MAMSTR: variants seen among roughly 807,000 people sequenced by gnomAD.
MAMSTR encodes the protein MEF2-activating motif and SAP domain-containing transcriptional regulator.
A neutral mutation model predicts 42.7 loss-of-function variants in MAMSTR; 41 were observed. The observed-to-expected ratio is 0.96, with a 90% CI of 0.75 to 1.25. The LOEUF is 1.25. Among genes scored for constraint, MAMSTR ranks in the 50% most tolerant of loss-of-function variants. The probability of loss-of-function intolerance (pLI) is 0.00; values close to 1 mark genes in which losing one functional copy is unlikely to be tolerated. For missense variants in MAMSTR, 567 were observed against 557.6 expected (o/e 1.02, Z -0.17); for synonymous variants, 265 against 244.1 (o/e 1.09, Z -0.80).
At chr19:48,711,094 A>G (rs534819494), downstream of MAMSTR, among the ~76,000 whole-genome samples, 3 of 152,172 alleles carry the variant, frequency 2.0e-5, no homozygotes, top group East Asian at 5.8e-4. Context: ...ACAGATTTGT[A>G]TAGTGCCCTC....
Position 48,712,991 on chromosome 19 carries a change from G to A in MAMSTR, c.*276C>T. The A allele has an allele frequency of 2.5e-6, 1 of 393,702 alleles. No homozygotes were observed. The highest frequency in any genetic ancestry group is 4.5e-6 in the Non-Finnish European group (1 of 221,124). The allele number at this position is 393,702 out of a possible 1,614,324, so 24.4% of individuals were successfully genotyped here. On this transcript the variant is annotated 3_prime_UTR_variant, in exon 10 of 10. Coordinates refer to ENST00000318083, the MANE Select transcript of MAMSTR (RefSeq NM_001130915.2). ...CGGGGGCATGTAAGAACATCCATGA[G>A]GTCTCTGAAGGAAGCAGCAAGCAGC... is the stretch of plus-strand genomic sequence containing the variant.
At chr19:48,715,040 C>A in intron 5 of MAMSTR, 132 bp from the exon 6 acceptor site, 1 of 700,096 alleles carries the variant, frequency 1.4e-6, no homozygotes. Flanking sequence ...TCTCCAAGGG[C>A]GCAAACATGG....
At position 48,714,852 on chromosome 19, in the gene MAMSTR, G is replaced by C. The variant is rs762601512; in HGVS notation, c.482C>G (p.Pro161Arg). The C allele has an allele frequency of 1.9e-6, 3 of 1,613,144 alleles. No individual in the cohort carries two copies. Among genetic ancestry groups the C allele is most frequent in the South Asian group, 2.2e-5 (2 of 91,084 alleles). Residue 161 changes from proline (P) to arginine (R), a missense_variant, in exon 6 of 10, where the codon CCC (proline) becomes CGC (arginine). Pro to Arg is a moderately radical substitution (Grantham distance 103). Transcript: ENST00000318083. ...CPPGVPSPSP[P>R]PHKLELQTLK... ...GGTCTGAAGTTCCAACTTGTGTGGG[G>C]GGGGCGAGGGGCTAGGGACTCCTGG...
downstream of MAMSTR, among the ~76,000 whole-genome samples, chr19:48,712,335 C>T (rs1218010678): frequency 6.6e-6 from 1 of 152,104 alleles, no homozygotes; most frequent in Non-Finnish European, 1.5e-5. Flanking sequence ...CACCTGAAGT[C>T]ACCTCTTGCT....
At chr19:48,708,888 G>T (rs2032689675), downstream of MAMSTR, among the ~76,000 whole-genome samples, 1 of 152,106 alleles carries the variant, frequency 6.6e-6, no homozygotes, top group African/African-American at 2.4e-5. Flanking sequence ...AACAGCCAGA[G>T]GGCAAATCAG....
At chr19:48,717,057 G>T (rs1274667267) in intron 2 of MAMSTR, 10 of 966,802 alleles carry the variant, frequency 1.0e-5, no homozygotes, top group Middle Eastern at 4.4e-4. Context: ...CACCCCCTGC[G>T]CAATCGCTAT....
chr19:48,715,041 G>A (rs1050438940), intron 5 of MAMSTR, 133 bp from the exon 6 acceptor site: 10 of 692,866 alleles, frequency 1.4e-5, no homozygotes, highest in Non-Finnish European at 2.4e-5. Context: ...CTCCAAGGGC[G>A]CAAACATGGG....
At chr19:48,715,981 TCA>T in intron 3 of MAMSTR, 1 of 1,363,562 alleles carries the variant, frequency 7.3e-7, no homozygotes, top group Non-Finnish European at 9.4e-7. Flanking sequence ...GAATTTTCTA[TCA>T]CAAAGGGGTG....
downstream of MAMSTR, among the ~76,000 whole-genome samples, chr19:48,709,348 A>G (rs1235201898): frequency 2.0e-5 from 3 of 151,802 alleles, no homozygotes; most frequent in East Asian, 3.9e-4. Flanking sequence ...GGGTTTCTCC[A>G]TGTTGGTCAG....
At position 48,716,744 on chromosome 19, in the gene MAMSTR, C is replaced by T; in HGVS notation, c.59-1G>A. ...CGTCTGTGGATCCGAAGCTGGAGGA[C>T]TGTGGAGGGAGGAGGGAGGTGGGAG... On this transcript the variant is annotated splice_acceptor_variant, in intron 2 of 9. Transcript: ENST00000318083. LOFTEE classifies it high-confidence loss of function. The T allele has an allele frequency of 1.5e-6, 2 of 1,312,750 alleles. No homozygotes were observed. Among genetic ancestry groups the T allele is most frequent in the Non-Finnish European group, 9.8e-7 (1 of 1,020,002 alleles). The allele number at this position is 1,312,750 out of a possible 1,614,324, so 81.3% of individuals were successfully genotyped here.
At position 48,715,442 on chromosome 19, in the gene MAMSTR, G is replaced by A. The variant is rs755194106; in HGVS notation, c.245C>T (p.Ser82Phe). The change falls in exon 5 of 10, where the codon TCT (serine) becomes TTT (phenylalanine). Residue 82 changes from serine to phenylalanine, a missense_variant. Ser to Phe is a radical substitution (Grantham distance 155). Transcript: ENST00000318083. The stretch of plus-strand genomic sequence containing the variant: ...CCTCCAACGTTGGGAGATCTTGGGA[G>A]ACTCCTGAAAGAGCAGGTGTGATGT... Reference protein sequence around the residue: ...CPPWRSPKKESPKISQRWRES... With the variant: ...CPPWRSPKKEFPKISQRWRES... 13 of 1,491,876 alleles carry A rather than the reference G, an allele frequency of 8.7e-6. No individual in the cohort carries two copies. The South Asian group carries it at 1.4e-4, about 16-fold the overall frequency. The allele number at this position is 1,491,876 out of a possible 1,614,324, so 92.4% of individuals were successfully genotyped here. A position where few individuals can be genotyped will look rare whatever the true frequency, so the allele number is the denominator to read the frequency against.
At chr19:48,717,133 T>C (rs1199169443) in intron 2 of MAMSTR, 1 of 228,742 alleles carries the variant, frequency 4.4e-6, no homozygotes, top group Non-Finnish European at 7.4e-6. Context: ...CTTTCTGTGC[T>C]ATCTCGGGGC....
In MAMSTR at chr19:48,715,417, C is replaced by A; in HGVS notation, c.270G>T (p.Arg90Ser). 1 of 1,507,902 alleles carries A rather than the reference C, an allele frequency of 6.6e-7. No individual in the cohort carries two copies. The highest frequency in any genetic ancestry group is 1.3e-5 in the South Asian group (1 of 76,940). The allele number at this position is 1,507,902 out of a possible 1,614,324, so 93.4% of individuals were successfully genotyped here. A position where few individuals can be genotyped will look rare whatever the true frequency, so the allele number is the denominator to read the frequency against. The change falls in exon 5 of 10, where the codon AGG becomes AGT. Residue 90 changes from arginine (R) to serine (S), a missense_variant. Transcript: ENST00000318083. Reference protein sequence around the residue: ...KESPKISQRWRESKPRGNLTY... With the variant: ...KESPKISQRWSESKPRGNLTY... ...TCAAGTTCCCCCTGGGCTTGGACTC[C>A]CTCCAACGTTGGGAGATCTTGGGAG...
Position 48,714,014 on chromosome 19 carries a change from G to A in MAMSTR, c.755C>T (p.Pro252Leu), listed in dbSNP as rs762968050. The change falls in exon 8 of 10, where the codon CCT (proline) becomes CTT (leucine). Residue 252 changes from proline (P) to leucine (L), a missense_variant. Coordinates refer to ENST00000318083, the MANE Select transcript of MAMSTR (RefSeq NM_001130915.2). ...VKPSAASHRP[P>L]LPRAADTPGT... ...CGGGGTATCCGCGGCACGTGGAAGA[G>A]GTGGCCTGTGAGATGCTGCGCTGGG... is the stretch of plus-strand genomic sequence containing the variant. 6.2e-7 allele frequency: 1 copy of A among 1,605,844 alleles called. No homozygotes were observed. The highest frequency in any genetic ancestry group is 8.5e-7 in the Non-Finnish European group (1 of 1,176,510).
At chr19:48,713,586 T>G in intron 9 of MAMSTR, 36 bp from the exon 10 acceptor site, 1 of 1,601,176 alleles carries the variant, frequency 6.2e-7, no homozygotes, top group Non-Finnish European at 8.5e-7. Context: ...GCTTGGAAAG[T>G]CAGGGGTCCG....
chr19:48,716,849 C>T (rs2033058667), intron 2 of MAMSTR, 106 bp from the exon 3 acceptor site: 2 of 1,249,916 alleles, frequency 1.6e-6, no homozygotes, highest in Non-Finnish European at 2.0e-6. Context: ...GATATGCGTG[C>T]CCAGCCCCCT....
downstream of MAMSTR, among the ~76,000 whole-genome samples, chr19:48,711,237 G>A (rs1473922310): frequency 1.3e-5 from 2 of 152,172 alleles, no homozygotes; most frequent in African/African-American, 4.8e-5. Context: ...CTCACTCTTG[G>A]GAGCCCTGAG....
downstream of MAMSTR, among the ~76,000 whole-genome samples, chr19:48,708,231 CAAAAAA>C (rs66744711): frequency 8.4e-6 from 1 of 118,852 alleles, no homozygotes; most frequent in South Asian, 3.2e-4. Context: ...TGAACTCCAT[CAAAAAA>C]AAAAAAAAAA....
In MAMSTR at chr19:48,713,272, A is replaced by G; in HGVS notation, c.1243T>C (p.Trp415Arg). ...SRLWDLLEDP[W>R] ...TCTGTAAATCCTAGAATCCATCACC[A>G]TGGATCCTCCAGCAGGTCCCACAGC... is the stretch of plus-strand genomic sequence containing the variant. The change falls in exon 10 of 10, where the codon TGG (tryptophan) becomes CGG (arginine). Residue 415 changes from tryptophan (W) to arginine (R), a missense_variant. By Grantham distance (101) the Trp-to-Arg change is moderately radical. Coordinates refer to ENST00000318083, the MANE Select transcript of MAMSTR (RefSeq NM_001130915.2). The G allele has an allele frequency of 6.3e-7, 1 of 1,593,276 alleles. No homozygotes were observed. Among genetic ancestry groups the G allele is most frequent in the Non-Finnish European group, 8.5e-7 (1 of 1,174,376 alleles).
Sources: allele counts gnomAD v4.1 joint callset (sites outside exome capture counted in the v4.1 genomes callset), GRCh38; gene constraint gnomAD v4.1.1; transcripts MANE v1.5; gene names NCBI Gene and HGNC (gene_info 2026-07-23, HGNC 2026-07-21).